MTDH: variants seen among roughly 807,000 people sequenced by gnomAD.
MTDH encodes metadherin, also known as protein LYRIC.
In MTDH, 34 loss-of-function variants were observed where a neutral mutation model predicts 72.7. The observed-to-expected ratio is 0.47, with a 90% CI of 0.36 to 0.62. MTDH has a LOEUF of 0.62. Among genes scored for constraint, MTDH ranks in the 20% least tolerant of loss-of-function variants. The pLI is 0.00. For synonymous variants in MTDH, 266 were observed against 268.9 expected, an observed-to-expected ratio of 0.99 and a Z score of 0.10; for missense variants, 677 against 699.4, an observed-to-expected ratio of 0.97 and a Z score of 0.36.
intron 8 of MTDH, among the ~76,000 whole-genome samples, chr8:97,708,998 C>A (rs191925425): frequency 6.6e-6 from 1 of 151,728 alleles, no homozygotes; most frequent in Non-Finnish European, 1.5e-5. Flanking sequence ...CAAGACCAGC[C>A]GGGCCAAGAT....
rs1815346553 is a variant in MTDH, at chr8:97,726,235, A to G, written c.*1565A>G. On this transcript the variant is annotated 3_prime_UTR_variant, in exon 12 of 12. Transcript: ENST00000336273. Reference sequence around the variant, plus strand: ...TTAACATCTGTTTCAGGAACATGGCAGTATGTTTACATGTCAGAAGTTTTG... The same window carrying G: ...TTAACATCTGTTTCAGGAACATGGCGGTATGTTTACATGTCAGAAGTTTTG... 6.5e-6 allele frequency: 1 copy of G among 152,680 alleles called. No homozygotes were observed. The highest frequency in any genetic ancestry group is 1.5e-5 in the Non-Finnish European group (1 of 68,052). The allele number at this position is 152,680 out of a possible 1,614,324, so 9.5% of individuals were successfully genotyped here.
At position 97,650,932 on chromosome 8, in the gene MTDH, C is replaced by G. The variant is rs77878380; in HGVS notation, c.381+6045C>G. On this transcript the variant is annotated intron_variant, in intron 1 of 11. Coordinates refer to ENST00000336273, the MANE Select transcript of MTDH (RefSeq NM_178812.4). ...TTAGATTAGAATGGTCTAATATCAC[C>G]ATTTCATTTGGTTCTAATAGTCATT... Among the ~76,000 whole-genome samples the G allele has an allele frequency of 6.7e-3, 1,013 of 152,230 alleles. 15 individuals are homozygous for G. Among genetic ancestry groups the G allele is most frequent in the African/African-American group, 0.022 (933 of 41,522 alleles).
chr8:97,661,397 A>G (rs1056543575), intron 2 of MTDH, among the ~76,000 whole-genome samples: 2 of 152,220 alleles, frequency 1.3e-5, no homozygotes, highest in Non-Finnish European at 2.9e-5. Context: ...TGCTGTGGCA[A>G]TACTAAATAT....
At chr8:97,685,926 C>T (rs1813345152) in intron 2 of MTDH, among the ~76,000 whole-genome samples, 2 of 152,034 alleles carry the variant, frequency 1.3e-5, no homozygotes, top group Admixed American at 6.6e-5. Flanking sequence ...TTTTAGCAAG[C>T]TTTTGAAAGG....
chr8:97,686,669 C>A lies in MTDH; in HGVS notation c.485C>A (p.Ser162Ter). 4 of 1,548,920 alleles carry A rather than the reference C, an allele frequency of 2.6e-6. No individual in the cohort carries two copies. In the South Asian group the frequency reaches 5.0e-5, roughly 20 times the overall value. ...PPEIDKKNEK[S>*]KKNKKKSKSD... is the part of the protein sequence containing the mutation. Reference sequence around the variant, plus strand: ...AGTAACATTCTATTTTACTTTCAGTCAAAGAAAAATAAGAAGAAATCAAAG... The same window carrying A: ...AGTAACATTCTATTTTACTTTCAGTAAAAGAAAAATAAGAAGAAATCAAAG... The change falls in exon 3 of 12, where the codon TCA (serine) becomes TAA (stop). Residue 162 changes from serine (S) to a stop codon, truncating the protein, a stop_gained and splice_region_variant. Transcript: ENST00000336273. LOFTEE classifies it high-confidence loss of function.
intron 2 of MTDH, among the ~76,000 whole-genome samples, chr8:97,669,847 C>T (rs962819889): frequency 3.4e-5 from 5 of 145,190 alleles, no homozygotes; most frequent in East Asian, 4.5e-4. Context: ...ACCTGGGAGA[C>T]GGAGGTTGCA....
Position 97,699,841 on chromosome 8 carries a change from G to C in MTDH, c.1136G>C (p.Trp379Ser), listed in dbSNP as rs1814032634. The change falls in exon 7 of 12, where the codon TGG (tryptophan) becomes TCG (serine). Residue 379 changes from tryptophan (W) to serine (S), a missense_variant. Trp to Ser is a radical substitution (Grantham distance 177, BLOSUM62 -3). This residue lies in a region of MTDH where 467 missense variants were observed against 469.1 expected (regional missense o/e 1.00). Coordinates refer to ENST00000336273, the MANE Select transcript of MTDH (RefSeq NM_178812.4). ...SRNQPYIDDE[W>S]SGLNGLSSAD... ...AATCAACCCTATATCGATGATGAAT[G>C]GTCTGGGTTAAGTATGTCCTTTTAA... is the stretch of plus-strand genomic sequence containing the variant. 4 of 1,608,226 alleles carry C rather than the reference G, an allele frequency of 2.5e-6. No individual in the cohort carries two copies. Among genetic ancestry groups the C allele is most frequent in the Non-Finnish European group, 3.4e-6 (4 of 1,175,438 alleles).
intron 2 of MTDH, among the ~76,000 whole-genome samples, chr8:97,671,680 T>C (rs1812631258): frequency 6.6e-6 from 1 of 151,978 alleles, no homozygotes; most frequent in Non-Finnish European, 1.5e-5. Context: ...CCATCTCTAC[T>C]AAAAATACAA....
chr8:97,673,984 T>C (rs531208446), intron 2 of MTDH, among the ~76,000 whole-genome samples: 1 of 152,040 alleles, frequency 6.6e-6, no homozygotes, highest in South Asian at 2.1e-4. Context: ...CAAAAATCAG[T>C]TAATCAAAAA....
intron 5 of MTDH, 102 bp from the exon 6 acceptor site, chr8:97,690,850 G>C: frequency 1.2e-6 from 1 of 814,936 alleles, no homozygotes; most frequent in South Asian, 1.9e-5. Flanking sequence ...AGTAGGGGAA[G>C]TGAGTAATAA....
Position 97,669,922 on chromosome 8 carries a change from C to CAAA in MTDH, c.483+8763_483+8765dup, listed in dbSNP as rs61250041. 8.7e-3 allele frequency among the ~76,000 whole-genome samples: 1,033 copies of CAAA among 119,282 alleles called. 18 individuals carry two copies. Among genetic ancestry groups the CAAA allele is most frequent in the African/African-American group, 0.024 (839 of 34,458 alleles). 78.3% of individuals were successfully genotyped at this position (119,282 alleles called of 152,430 possible). A position where few individuals can be genotyped will look rare whatever the true frequency, so the allele number is the denominator to read the frequency against. ...TGATCAACAGAGGGAGACTCCATCTCAAAAAAAAAAAAAAAACTACTCCCT... is the reference window on the plus strand; with the variant it reads ...TGATCAACAGAGGGAGACTCCATCTCAAAAAAAAAAAAAAAAAAACTACTCCCT... On this transcript the variant is annotated intron_variant, in intron 2 of 11. Coordinates refer to ENST00000336273, the MANE Select transcript of MTDH (RefSeq NM_178812.4).
At chr8:97,701,177 G>T (rs963374218) in intron 7 of MTDH, among the ~76,000 whole-genome samples, 1 of 152,098 alleles carries the variant, frequency 6.6e-6, no homozygotes, top group Admixed American at 6.6e-5. Context: ...ATGAGATAAT[G>T]GGTGAACATG....
intron 10 of MTDH, 81 bp from the exon 11 acceptor site, chr8:97,722,798 C>G (rs1387936400): frequency 1.3e-5 from 18 of 1,396,126 alleles, no homozygotes; most frequent in Non-Finnish European, 1.7e-5. Flanking sequence ...GCTGCTAAAC[C>G]ACCTCTTGGT....
At position 97,726,892 on chromosome 8, in the gene MTDH, G is replaced by A. The variant is rs1815373781; in HGVS notation, c.*2222G>A. 6.6e-6 allele frequency: 1 copy of A among 151,520 alleles called. No individual in the cohort carries two copies. Among genetic ancestry groups the A allele is most frequent in the African/African-American group, 2.4e-5 (1 of 41,184 alleles). 9.4% of individuals were successfully genotyped at this position (151,520 alleles called of 1,614,324 possible). A position where few individuals can be genotyped will look rare whatever the true frequency, so the allele number is the denominator to read the frequency against. ...GTTCAAGACCAGCCTGGCCAAGAGG[G>A]TGAAACCCCATCTTTACTAAAAATA... On this transcript the variant is annotated 3_prime_UTR_variant, in exon 12 of 12. Coordinates refer to ENST00000336273, the MANE Select transcript of MTDH (RefSeq NM_178812.4).
rs2130999566 is a variant in MTDH at position 97,686,766 on chromosome 8, G to A, written c.568+14G>A. On this transcript the variant is annotated intron_variant, in intron 3 of 11. Transcript: ENST00000336273. ...AAGTTGATGAAGGTACTTGAGCAAG[G>A]GAAAGGACTGTAGAAAATTTTTTAA... 2 of 1,556,980 alleles carry A rather than the reference G, an allele frequency of 1.3e-6. No individual in the cohort carries two copies. Among genetic ancestry groups the A allele is most frequent in the Non-Finnish European group, 1.7e-6 (2 of 1,152,698 alleles).
At chr8:97,692,253 TC>T (rs1287137331) in intron 6 of MTDH, among the ~76,000 whole-genome samples, 1 of 152,212 alleles carries the variant, frequency 6.6e-6, no homozygotes, top group African/African-American at 2.4e-5. Context: ...TCTCCCCTAG[TC>T]CCCACTTAAC....
intron 7 of MTDH, among the ~76,000 whole-genome samples, chr8:97,703,363 A>T (rs780744268): frequency 6.6e-6 from 1 of 152,204 alleles, no homozygotes; most frequent in Non-Finnish European, 1.5e-5. Context: ...GTCATAAAAA[A>T]TACTTTTACT....
Position 97,644,720 on chromosome 8 carries a change from G to A in MTDH, c.214G>A (p.Ala72Thr). The A allele has an allele frequency of 6.3e-7, 1 of 1,586,964 alleles. No homozygotes were observed. The highest frequency in any genetic ancestry group is 8.5e-7 in the Non-Finnish European group (1 of 1,171,522). The change falls in exon 1 of 12, where the codon GCC (alanine) becomes ACC (threonine). Residue 72 changes from alanine (A) to threonine (T), a missense_variant. By Grantham distance (58) the Ala-to-Thr change is moderately conservative. This residue lies in a region of MTDH where 467 missense variants were observed against 469.1 expected (regional missense o/e 1.00). Transcript: ENST00000336273. ...GCTGTTTCTGCTGGGCTACGGCTGGGCCGCGGCTTGCGCCGGCGCCCGCAA... is the reference window on the plus strand; with the variant it reads ...GCTGTTTCTGCTGGGCTACGGCTGGACCGCGGCTTGCGCCGGCGCCCGCAA... ...LLLFLLGYGW[A>T]AACAGARKKR...
At chr8:97,714,000 A>G (rs1306561297) in intron 9 of MTDH, among the ~76,000 whole-genome samples, 1 of 152,232 alleles carries the variant, frequency 6.6e-6, no homozygotes, top group Non-Finnish European at 1.5e-5. Flanking sequence ...TAAAATTCCA[A>G]ATTATTCATG....
Sources: allele counts gnomAD v4.1 joint callset (sites outside exome capture counted in the v4.1 genomes callset), GRCh38; gene constraint gnomAD v4.1.1; regional missense constraint gnomAD v4.1.1; transcripts MANE v1.5; gene names NCBI Gene and HGNC (gene_info 2026-07-23, HGNC 2026-07-21).